The following UBAC2 variants were observed in gnomAD, a reference collection of about 807,000 sequenced individuals.
The protein encoded by UBAC2 is ubiquitin-associated domain-containing protein 2.
In UBAC2, 26 loss-of-function variants were observed where a neutral mutation model predicts 44.0. That is an observed-to-expected ratio of 0.59 (90% CI 0.43 to 0.82). UBAC2 has a LOEUF of 0.82. UBAC2 is among the 40% of genes least tolerant of loss of function. The probability of loss-of-function intolerance (pLI) is 0.00; values close to 1 mark genes in which losing one functional copy is unlikely to be tolerated. For missense variants in UBAC2, 329 were observed against 419.4 expected, an observed-to-expected ratio of 0.78 and a Z score of 1.88; for synonymous variants, 155 against 154.3, an observed-to-expected ratio of 1.00 and a Z score of -0.04.
chr13:99,243,568 G>A (rs1685903823), intron 2 of UBAC2, among the ~76,000 whole-genome samples: 1 of 151,972 alleles, frequency 6.6e-6, no homozygotes. Flanking sequence ...TTTCTTATAG[G>A]CAGTTTTCTG....
intron 1 of UBAC2, among the ~76,000 whole-genome samples, chr13:99,237,271 T>TATATACACACACACAC (rs374683969): frequency 6.9e-6 from 1 of 144,928 alleles, no homozygotes. Flanking sequence ...TATATATATA[T>TATATACACACACACAC]ACACACACAC....
chr13:99,262,638 G>A (rs1478550401), intron 4 of UBAC2, among the ~76,000 whole-genome samples: 3 of 142,976 alleles, frequency 2.1e-5, no homozygotes, highest in Non-Finnish European at 4.5e-5. Flanking sequence ...GGGAGATGGA[G>A]GTTGCAGTGA....
intron 1 of UBAC2, among the ~76,000 whole-genome samples, chr13:99,223,037 G>C (rs2043067752): frequency 6.6e-6 from 1 of 152,098 alleles, no homozygotes; most frequent in Non-Finnish European, 1.5e-5. Context: ...GACTATTTAA[G>C]TTACCCATTT....
intron 4 of UBAC2, among the ~76,000 whole-genome samples, chr13:99,278,394 C>T (rs1391550344): frequency 1.3e-5 from 2 of 152,036 alleles, no homozygotes; most frequent in African/African-American, 4.8e-5. Context: ...AGAGTAGCAG[C>T]ACACCTACAA....
At chr13:99,356,125 C>T (rs566792532) in intron 7 of UBAC2, 99 of 530,462 alleles carry the variant, frequency 1.9e-4, no homozygotes, top group South Asian at 1.4e-3. Context: ...ACATGTCTGT[C>T]AGACTGTACA....
intron 4 of UBAC2, chr13:99,255,183 G>A (rs1470417849): frequency 6.2e-7 from 1 of 1,614,112 alleles, no homozygotes; most frequent in Admixed American, 1.7e-5. Context: ...TGATCCTTAT[G>A]GACTTCTCCT....
chr13:99,205,808 A>G (rs1026746688), intron 1 of UBAC2: 2 of 165,540 alleles, frequency 1.2e-5, no homozygotes, highest in African/African-American at 4.8e-5. Context: ...TTCCTCCCTC[A>G]CCGTTCCATG....
At chr13:99,274,076 C>T (rs2043851824) in intron 4 of UBAC2, among the ~76,000 whole-genome samples, 1 of 152,140 alleles carries the variant, frequency 6.6e-6, no homozygotes, top group Non-Finnish European at 1.5e-5. Flanking sequence ...ATGTGACCCA[C>T]TCCCTAAAAG....
intron 4 of UBAC2, chr13:99,254,718 A>C: frequency 3.3e-6 from 2 of 604,478 alleles, no homozygotes; most frequent in South Asian, 4.9e-5. Flanking sequence ...TTCTCTGAAT[A>C]ATTCACAAAA....
chr13:99,263,252 A>T (rs753850180), intron 4 of UBAC2, among the ~76,000 whole-genome samples: 13 of 152,184 alleles, frequency 8.5e-5, no homozygotes, highest in Non-Finnish European at 1.9e-4. Context: ...CTTGCTAATG[A>T]GTTGATATTC....
intron 6 of UBAC2, among the ~76,000 whole-genome samples, chr13:99,337,749 C>T (rs2044810808): frequency 6.6e-6 from 1 of 151,746 alleles, no homozygotes; most frequent in Admixed American, 6.6e-5. Flanking sequence ...CACATGGACC[C>T]TCCTTGGTTC....
intron 7 of UBAC2, among the ~76,000 whole-genome samples, chr13:99,359,552 C>T (rs1254760398): frequency 6.6e-6 from 1 of 152,094 alleles, no homozygotes; most frequent in Non-Finnish European, 1.5e-5. Context: ...TGGGGTAAAG[C>T]TTCCCAGCCA....
intron 8 of UBAC2, among the ~76,000 whole-genome samples, chr13:99,373,799 T>C (rs1200282670): frequency 1.3e-5 from 2 of 152,136 alleles, no homozygotes; most frequent in Admixed American, 6.5e-5. Context: ...AAGGGTCTGA[T>C]GTGTGGCATG....
intron 4 of UBAC2, chr13:99,308,867 A>G (rs1421337384): frequency 6.6e-6 from 1 of 152,210 alleles, no homozygotes; most frequent in East Asian, 1.9e-4. Flanking sequence ...ATGAGGGGGT[A>G]ATACAGAGAT....
Position 99,212,450 on chromosome 13 carries a change from C to A in UBAC2, c.31+11511C>A, listed in dbSNP as rs1594000049. Among the ~76,000 whole-genome samples the A allele has an allele frequency of 2.0e-5, 3 of 152,184 alleles. No homozygotes were observed. The East Asian group carries it at 5.8e-4, about 29-fold the overall frequency. On this transcript the variant is annotated intron_variant, in intron 1 of 8. Transcript: ENST00000403766. ...TCAGTCATTTCCCAGAATTTAGTCC[C>A]TTCAGTGGACGTGATACAATGGGAA...
At chr13:99,374,810 C>A (rs1440680831) in intron 8 of UBAC2, among the ~76,000 whole-genome samples, 1 of 152,132 alleles carries the variant, frequency 6.6e-6, no homozygotes, top group East Asian at 1.9e-4. Flanking sequence ...CAGCGAGCTT[C>A]CTGAGGGCTG....
At chr13:99,242,530 A>T (rs2043320195) in intron 2 of UBAC2, among the ~76,000 whole-genome samples, 4 of 114,550 alleles carry the variant, frequency 3.5e-5, no homozygotes, top group Non-Finnish European at 7.0e-5. Context: ...TCCCTCCCGG[A>T]CGGGGCGGCT....
intron 4 of UBAC2, chr13:99,256,634 T>G (rs2043563790): frequency 6.6e-6 from 1 of 151,594 alleles, no homozygotes; most frequent in African/African-American, 2.4e-5. Context: ...AAAAGGAGTA[T>G]CTAAGACAAG....
intron 6 of UBAC2, among the ~76,000 whole-genome samples, chr13:99,337,995 G>T (rs1178989541): frequency 7.0e-6 from 1 of 142,724 alleles, no homozygotes; most frequent in Non-Finnish European, 1.5e-5. Flanking sequence ...GAAGATAGCT[G>T]ATGAGCTTTA....
Sources: gnomAD v4.1 joint callset for allele counts (sites outside exome capture counted in the v4.1 genomes callset) on GRCh38, gnomAD v4.1.1 for gene constraint, MANE v1.5 for transcripts, NCBI Gene and HGNC (gene_info 2026-07-23, HGNC 2026-07-21) for gene names.